DMD: variants seen among roughly 807,000 people sequenced by gnomAD.
DMD encodes the protein mutant dystrophin.
Under a neutral mutation model 330.1 loss-of-function variants are expected in DMD, and 63 were observed. The ratio of observed to expected loss-of-function variants is 0.19; its 90% CI spans 0.16 to 0.24. The LOEUF (loss-of-function observed/expected upper bound fraction) is 0.24, where lower values mean the gene tolerates loss of function less well. Among genes scored for constraint, DMD ranks in the 10% least tolerant of loss-of-function variants. The pLI, the probability that DMD is intolerant of heterozygous loss-of-function variation, is 1.00. For missense variants in DMD, 3,344 were observed against 2,684.1 expected, an observed-to-expected ratio of 1.25 and a Z score of -5.43; for synonymous variants, 1,223 against 959.8, an observed-to-expected ratio of 1.27 and a Z score of -5.07.
intron 44 of DMD, among the ~76,000 whole-genome samples, chrX:32,087,850 T>C (rs938664156): frequency 8.9e-6 from 1 of 112,608 alleles, no homozygotes; most frequent in African/African-American, 3.2e-5. Flanking sequence ...GGCTTCTCTT[T>C]GGAGGATTCC....
chrX:32,335,476 A>G (rs1247015803), intron 41 of DMD, among the ~76,000 whole-genome samples: 2 of 96,933 alleles, frequency 2.1e-5, no homozygotes, highest in Non-Finnish European at 4.1e-5. Flanking sequence ...TATAACATGT[A>G]TTTATAACAT....
rs200177107 is a variant in DMD, at chrX:32,699,240, G to T, written c.703C>A (p.Leu235Ile). Residue 235 changes from leucine to isoleucine, a missense_variant, in exon 8 of 79, where the codon CTC becomes ATC. Leu to Ile is a conservative substitution (Grantham distance 5). Coordinates refer to ENST00000357033, the MANE Select transcript of DMD (RefSeq NM_004006.3). ...KKSILMYITS[L>I]FQVLPQQVSI... is the part of the protein sequence containing the mutation. Reference sequence around the variant, plus strand: ...ACTTGTTGAGGCAAAACTTGGAAGAGTGATGTGATGTACATTAAGATGGAC... The same window carrying T: ...ACTTGTTGAGGCAAAACTTGGAAGATTGATGTGATGTACATTAAGATGGAC... The T allele has an allele frequency of 8.3e-6, 10 of 1,207,800 alleles. No individual in the cohort carries two copies. In the East Asian group the frequency reaches 3.0e-4, roughly 36 times the overall value.
At chrX:32,381,907 G>A (rs1021275123) in intron 33 of DMD, among the ~76,000 whole-genome samples, 4 of 110,750 alleles carry the variant, frequency 3.6e-5, no homozygotes, top group Admixed American at 9.7e-5. Flanking sequence ...TCTGCGATAC[G>A]TAGTGGACTC....
At chrX:32,139,744 C>A (rs1202532646) in intron 44 of DMD, among the ~76,000 whole-genome samples, 3 of 111,940 alleles carry the variant, frequency 2.7e-5, no homozygotes, top group Non-Finnish European at 3.8e-5. Context: ...CACAGGAAAT[C>A]TCTGTACTGT....
intron 1 of DMD, among the ~76,000 whole-genome samples, chrX:33,070,669 CTCTCTATATATATATATA>C (rs1287804976): frequency 1.8e-3 from 82 of 45,662 alleles, no homozygotes; most frequent in African/African-American, 7.5e-3. Flanking sequence ...CTCTCTCTCT[CTCTCTATATATATATATA>C]TATATATATA....
chrX:32,534,582 A>C (rs2047779884), intron 17 of DMD, among the ~76,000 whole-genome samples: 1 of 110,952 alleles, frequency 9.0e-6, no homozygotes, highest in African/African-American at 3.3e-5. Flanking sequence ...AGTTAAATCA[A>C]TTTTCATGTA....
At chrX:32,910,584 G>A (rs995665486) in intron 2 of DMD, among the ~76,000 whole-genome samples, 7 of 110,214 alleles carry the variant, frequency 6.4e-5, no homozygotes, top group Admixed American at 9.7e-5. Context: ...CCAGGTGCCC[G>A]CCGCCATGCC....
chrX:31,577,944 C>A (rs906544628), intron 55 of DMD, among the ~76,000 whole-genome samples: 1 of 110,590 alleles, frequency 9.0e-6, no homozygotes, highest in African/African-American at 3.3e-5. Flanking sequence ...TAATTTTGAA[C>A]CAAAATTGCC....
intron 67 of DMD, among the ~76,000 whole-genome samples, chrX:31,188,548 T>C (rs1192493285): frequency 1.8e-5 from 2 of 112,102 alleles, no homozygotes; most frequent in Admixed American, 9.4e-5. Context: ...TTTCAAGCCA[T>C]GCAAGCAAAA....
At chrX:31,581,693 T>C (rs914639913) in intron 55 of DMD, among the ~76,000 whole-genome samples, 1 of 112,283 alleles carries the variant, frequency 8.9e-6, no homozygotes, top group East Asian at 2.8e-4. Context: ...GCTTCATCTA[T>C]GTAAAAACAC....
intron 45 of DMD, among the ~76,000 whole-genome samples, chrX:31,942,984 G>C (rs1480986083): frequency 1.8e-5 from 2 of 111,956 alleles, no homozygotes; most frequent in African/African-American, 6.5e-5. Flanking sequence ...ATTCAACCAG[G>C]GAAAGCTATA....
chrX:32,660,104 T>C (rs758044152), intron 9 of DMD, among the ~76,000 whole-genome samples: 70 of 111,438 alleles, frequency 6.3e-4, no homozygotes, highest in Middle Eastern at 4.7e-3. Context: ...CATAGACAAC[T>C]AAAGCTTTTG....
At chrX:31,955,123 C>G (rs755667711) in intron 45 of DMD, among the ~76,000 whole-genome samples, 1 of 110,582 alleles carries the variant, frequency 9.0e-6, no homozygotes, top group African/African-American at 3.3e-5. Flanking sequence ...CTGCAGTGAA[C>G]TGTGATCATG....
chrX:31,862,999 G>A (rs1041101094), intron 48 of DMD, among the ~76,000 whole-genome samples: 1 of 112,786 alleles, frequency 8.9e-6, no homozygotes, highest in African/African-American at 3.2e-5. Flanking sequence ...CCTCACTTGG[G>A]GCTAACGCCA....
rs72470523 is a variant in DMD, at chrX:32,816,461, T to A, written c.530+7A>T. 186 of 1,209,016 alleles carry A rather than the reference T, an allele frequency of 1.5e-4. 1 individual carries two copies. The highest frequency in any genetic ancestry group is 2.0e-4 in the Non-Finnish European group (180 of 894,362). ...CAAGTTATTTAATGTCTCAGTAATC[T>A]TCTTACCTATGACTATGGATGAGAG... On this transcript the variant is annotated splice_region_variant and intron_variant, in intron 6 of 78. Transcript: ENST00000357033.
intron 16 of DMD, among the ~76,000 whole-genome samples, chrX:32,558,938 C>CTT (rs60739281): frequency 0.018 from 891 of 50,800 alleles, 120 homozygotes; most frequent in Non-Finnish European, 0.022. Flanking sequence ...TTCAAATTTT[C>CTT]TTTTTTTTTT....
chrX:32,234,885 G>A, intron 43 of DMD, among the ~76,000 whole-genome samples: 1 of 111,614 alleles, frequency 9.0e-6, no homozygotes, highest in Non-Finnish European at 1.9e-5. Flanking sequence ...AGGAAAAAAA[G>A]ATTCAGAGAC....
At chrX:31,523,647 CAG>C (rs1202225990) in intron 55 of DMD, among the ~76,000 whole-genome samples, 7 of 111,718 alleles carry the variant, frequency 6.3e-5, no homozygotes, top group Non-Finnish European at 1.3e-4. Context: ...TAACAAATAA[CAG>C]AGAGGTGGGT....
At chrX:32,464,801 T>C (rs2098395793) in intron 23 of DMD, 102 bp from the exon 24 acceptor site, 2 of 606,351 alleles carry the variant, frequency 3.3e-6, no homozygotes, top group East Asian at 3.4e-5. Context: ...ACAATTCCCA[T>C]GTTTAAAGGA....
Sources: allele counts gnomAD v4.1 joint callset (sites outside exome capture counted in the v4.1 genomes callset), GRCh38; gene constraint gnomAD v4.1.1; transcripts MANE v1.5; gene names NCBI Gene and HGNC (gene_info 2026-07-23, HGNC 2026-07-21).